Variants in KCTD17 observed in about 807,000 individuals in gnomAD.
KCTD17 encodes the protein BTB/POZ domain-containing protein KCTD17.
KCTD17 carries 20 observed loss-of-function variants against 41.5 expected under a neutral mutation model. The ratio of observed to expected loss-of-function variants is 0.48; its 90% CI spans 0.34 to 0.70. The LOEUF (loss-of-function observed/expected upper bound fraction) is 0.70, where lower values mean the gene tolerates loss of function less well. Among genes scored for constraint, KCTD17 ranks in the 30% least tolerant of loss-of-function variants. The pLI is 0.01. For synonymous variants in KCTD17, 156 were observed against 173.8 expected, an observed-to-expected ratio of 0.90 and a Z score of 0.80; for missense variants, 317 against 427.2, an observed-to-expected ratio of 0.74 and a Z score of 2.27.
chr22:37,052,977 C>T (rs1924670832), intron 1 of KCTD17, 123 bp from the exon 2 acceptor site: 5 of 772,028 alleles, frequency 6.5e-6, no homozygotes, highest in African/African-American at 3.5e-5. Flanking sequence ...CTTTTTGCTA[C>T]TTTGTGCCTG....
In KCTD17 at chr22:37,061,033, C is replaced by T; in HGVS notation, c.713-71C>T. On this transcript the variant is annotated intron_variant, in intron 6 of 8. Coordinates refer to ENST00000403888, the MANE Select transcript of KCTD17 (RefSeq NM_001282684.2). The surrounding 1 kb of genome is among the most constrained non-coding windows in gnomAD (Gnocchi z 6.6). ...GGCCCCGGGGCTGCTGGGGGGGCACCAGGGTTAGCTCAGCCACTTGCCTGG... is the reference window on the plus strand; with the variant it reads ...GGCCCCGGGGCTGCTGGGGGGGCACTAGGGTTAGCTCAGCCACTTGCCTGG... The T allele has an allele frequency of 6.5e-7, 1 of 1,550,226 alleles. No individual in the cohort carries two copies. Among genetic ancestry groups the T allele is most frequent in the South Asian group, 1.2e-5 (1 of 84,008 alleles).
At position 37,062,520 on chromosome 22, in the gene KCTD17, T is replaced by TC; in HGVS notation, c.876-4dup. On this transcript the variant is annotated splice_polypyrimidine_tract_variant and splice_region_variant and intron_variant, in intron 8 of 8. Transcript: ENST00000403888. ...CCTCCTGCCCTTCCCCTCTTTTTTT[T>TC]CTAGCTGTTACAAGCCAGAGGCACC... 1.2e-6 allele frequency: 2 copies of TC among 1,612,660 alleles called. No individual in the cohort carries two copies. The highest frequency in any genetic ancestry group is 3.3e-5 in the Admixed American group (2 of 59,932).
intron 3 of KCTD17, among the ~76,000 whole-genome samples, chr22:37,057,131 G>A (rs541768733): frequency 6.6e-6 from 1 of 152,260 alleles, no homozygotes; most frequent in East Asian, 1.9e-4. Context: ...GGGTGACCTT[G>A]GGCAAGTAAC....
Position 37,061,509 on chromosome 22 carries a change from C to A in KCTD17, c.785-30C>A. 2 of 1,591,178 alleles carry A rather than the reference C, an allele frequency of 1.3e-6. No individual in the cohort carries two copies. The highest frequency in any genetic ancestry group is 1.3e-5 in the African/African-American group (1 of 74,798). ...GGCCCTGCCCCCCCTCCTCTCCTCC[C>A]GGCCTCCTCCTCACGTTTCCTCCTT... On this transcript the variant is annotated intron_variant, in intron 7 of 8. Transcript: ENST00000403888. This position sits in a 1 kb window ranked among gnomAD's most constrained non-coding sequence, Gnocchi z 6.6.
Position 37,061,330 on chromosome 22 carries a change from C to G in KCTD17, c.784+155C>G, listed in dbSNP as rs893226754. 8.2e-5 allele frequency: 122 copies of G among 1,492,060 alleles called. No homozygotes were observed. In the East Asian group the frequency reaches 2.7e-3, roughly 33 times the overall value. The allele number at this position is 1,492,060 out of a possible 1,614,324, so 92.4% of individuals were successfully genotyped here. A position where few individuals can be genotyped will look rare whatever the true frequency, so the allele number is the denominator to read the frequency against. ...CAGCCTCCCGTGCCCTCCACCCAGG[C>G]CCCCTGGCCCTGCATCCCAGAGCGT... On this transcript the variant is annotated intron_variant, in intron 7 of 8. Coordinates refer to ENST00000403888, the MANE Select transcript of KCTD17 (RefSeq NM_001282684.2). The surrounding 1 kb of genome is among the most constrained non-coding windows in gnomAD (Gnocchi z 6.6).
intron 8 of KCTD17, chr22:37,062,301 G>A (rs1315559667): frequency 2.0e-6 from 2 of 984,872 alleles, no homozygotes; most frequent in East Asian, 1.1e-4. Flanking sequence ...GGTTAGTTGG[G>A]GAGCCCTTGC....
intron 3 of KCTD17, among the ~76,000 whole-genome samples, chr22:37,057,148 T>C (rs1398704405): frequency 6.6e-6 from 1 of 152,172 alleles, no homozygotes; most frequent in African/African-American, 2.4e-5. Context: ...TAACTGGACC[T>C]CTCTGAGCCT....
In KCTD17 at chr22:37,051,955, GCCC is replaced by G; in HGVS notation, c.189+9_189+11del. ...AAGAGCTGCAGTCGGACCGGGTGAGGCCCCCGGGGTGGGCGGCGAGCGGGCGGT... is the reference window on the plus strand; with the variant it reads ...AAGAGCTGCAGTCGGACCGGGTGAGGCCGGGGTGGGCGGCGAGCGGGCGGT... On this transcript the variant is annotated splice_region_variant and intron_variant, in intron 1 of 8. Coordinates refer to ENST00000403888, the MANE Select transcript of KCTD17 (RefSeq NM_001282684.2). The G allele has an allele frequency of 1.4e-6, 2 of 1,463,744 alleles. No individual in the cohort carries two copies. The highest frequency in any genetic ancestry group is 1.8e-6 in the Non-Finnish European group (2 of 1,105,040). The allele number at this position is 1,463,744 out of a possible 1,614,324, so 90.7% of individuals were successfully genotyped here. A position where few individuals can be genotyped will look rare whatever the true frequency, so the allele number is the denominator to read the frequency against.
Position 37,056,364 on chromosome 22 carries a change from C to G in KCTD17, c.343C>G (p.Arg115Gly), listed in dbSNP as rs747167411. The part of the protein sequence containing the change: ...AEFYNIGPLI[R>G]IIKDRMEEKD... Reference sequence around the variant, plus strand: ...GTTCTACAACATCGGCCCGCTGATCCGCATCATCAAAGACCGGATGGAAGA... The same window carrying G: ...GTTCTACAACATCGGCCCGCTGATCGGCATCATCAAAGACCGGATGGAAGA... The change falls in exon 3 of 9, where the codon CGC becomes GGC. Residue 115 changes from arginine (R) to glycine (G), a missense_variant. Physicochemically the swap from Arg to Gly is moderately radical, Grantham distance 125 (BLOSUM62 -2). Coordinates refer to ENST00000403888, the MANE Select transcript of KCTD17 (RefSeq NM_001282684.2). 1 of 1,613,670 alleles carries G rather than the reference C, an allele frequency of 6.2e-7. No individual in the cohort carries two copies. The highest frequency in any genetic ancestry group is 8.5e-7 in the Non-Finnish European group (1 of 1,179,768).
chr22:37,052,004 G>T, intron 1 of KCTD17, 55 bp downstream of exon 1: 1 of 1,322,896 alleles, frequency 7.6e-7, no homozygotes. Flanking sequence ...CTCGCCCGAC[G>T]CGGGGCTGTC....
At chr22:37,054,476 ACAGGGCTATCCGGGGGCTAGGGGATCACG>A (rs1568981114) in intron 2 of KCTD17, among the ~76,000 whole-genome samples, 10 of 149,178 alleles carry the variant, frequency 6.7e-5, no homozygotes, top group South Asian at 2.1e-4. Flanking sequence ...AGGGGATCAC[ACAGGGCTATCCGGGGGCTAGGGGATCACG>A]CAGGGCTATC....
chr22:37,059,307 CT>C lies in KCTD17; in HGVS notation c.487-5del, dbSNP rs1483531151. 4 of 1,612,268 alleles carry C rather than the reference CT, an allele frequency of 2.5e-6. No individual in the cohort carries two copies. In the South Asian group the frequency reaches 4.4e-5, roughly 18 times the overall value. ...GCATTTTTCTCCCCATGCTCCGCCC[CT>C]CTAGCTGGTGAACATCGGCTCCTCC... On this transcript the variant is annotated splice_polypyrimidine_tract_variant and splice_region_variant and intron_variant, in intron 4 of 8. Coordinates refer to ENST00000403888, the MANE Select transcript of KCTD17 (RefSeq NM_001282684.2).
chr22:37,056,827 G>C (rs1925178587), intron 3 of KCTD17, among the ~76,000 whole-genome samples: 1 of 152,164 alleles, frequency 6.6e-6, no homozygotes, highest in Non-Finnish European at 1.5e-5. Context: ...ATGGTCGCCT[G>C]GTGGGCTCGG....
In KCTD17 at chr22:37,051,764, AGGAT is replaced by A; in HGVS notation, c.8_11del (p.Met3ArgfsTer33). ...GATGCAGACGCCGCGGCCGGCGATGAGGATGGAGGCCGGGGAGGCAGCGCCGCCG... is the reference window on the plus strand; with the variant it reads ...GATGCAGACGCCGCGGCCGGCGATGAGGAGGCCGGGGAGGCAGCGCCGCCG... On this transcript the variant is annotated frameshift_variant, in exon 1 of 9. Transcript: ENST00000403888. LOFTEE classifies it high-confidence loss of function. 8.2e-7 allele frequency: 1 copy of A among 1,225,040 alleles called. No individual in the cohort carries two copies. Among genetic ancestry groups the A allele is most frequent in the Non-Finnish European group, 1.0e-6 (1 of 984,088 alleles). The allele number at this position is 1,225,040 out of a possible 1,614,324, so 75.9% of individuals were successfully genotyped here. A position where few individuals can be genotyped will look rare whatever the true frequency, so the allele number is the denominator to read the frequency against.
intron 4 of KCTD17, among the ~76,000 whole-genome samples, chr22:37,057,737 G>A (rs1259218007): frequency 1.3e-5 from 2 of 152,186 alleles, no homozygotes; most frequent in African/African-American, 4.8e-5. Flanking sequence ...CCTTGTTGGT[G>A]GGAGTCCTCA....
intron 1 of KCTD17, chr22:37,052,495 G>T (rs773207977): frequency 2.2e-6 from 1 of 463,456 alleles, no homozygotes; most frequent in South Asian, 1.5e-5. Flanking sequence ...CCTGCACTGC[G>T]CTCAGCCTCC....
rs563636622 is a variant in KCTD17, at chr22:37,053,922, G to T, written c.298+714G>T. ...AGTTAACTCTTCTTTGGGACACAGG[G>T]TGTGGCTCTGGGTCAGCTGATCCAG... is the stretch of plus-strand genomic sequence containing the variant. On this transcript the variant is annotated intron_variant, in intron 2 of 8. Transcript: ENST00000403888. The surrounding 1 kb of genome is among the most constrained non-coding windows in gnomAD (Gnocchi z 4.1). 6.6e-6 allele frequency among the ~76,000 whole-genome samples: 1 copy of T among 152,336 alleles called. No individual in the cohort carries two copies. The highest frequency in any genetic ancestry group is 2.4e-5 in the African/African-American group (1 of 41,578).
rs1199364401 is a variant in KCTD17, at chr22:37,063,350, G to T, written c.*756G>T. 6.6e-6 allele frequency: 1 copy of T among 152,204 alleles called. No individual in the cohort carries two copies. Among genetic ancestry groups the T allele is most frequent in the Non-Finnish European group, 1.5e-5 (1 of 68,080 alleles). 9.4% of individuals were successfully genotyped at this position (152,204 alleles called of 1,614,324 possible). A position where few individuals can be genotyped will look rare whatever the true frequency, so the allele number is the denominator to read the frequency against. On this transcript the variant is annotated 3_prime_UTR_variant, in exon 9 of 9. Transcript: ENST00000403888. This position sits in a 1 kb window ranked among gnomAD's most constrained non-coding sequence, Gnocchi z 4.6. ...GGATGGGTCCTTGCTTCTCAGCTGT[G>T]TCCGACCCCACCATGTAATAAAACC...
chr22:37,056,271 G>C, intron 2 of KCTD17, 49 bp from the exon 3 acceptor site: 1 of 1,518,668 alleles, frequency 6.6e-7, no homozygotes, highest in Non-Finnish European at 9.1e-7. Flanking sequence ...GAGGAGAATG[G>C]GGCATGGAGG....
Sources: gnomAD v4.1 joint callset for allele counts (sites outside exome capture counted in the v4.1 genomes callset) on GRCh38, gnomAD v4.1.1 for gene constraint, Gnocchi (gnomAD v3.1) non-coding constraint, MANE v1.5 for transcripts, NCBI Gene and HGNC (gene_info 2026-07-23, HGNC 2026-07-21) for gene names.